The following CCDC138 variants were observed in gnomAD, a reference collection of about 807,000 sequenced individuals.
CCDC138 encodes the protein coiled-coil domain-containing protein 138.
A neutral mutation model predicts 82.3 loss-of-function variants in CCDC138; 66 were observed. That is an observed-to-expected ratio of 0.80 (90% CI 0.66 to 0.98). The LOEUF (loss-of-function observed/expected upper bound fraction) is 0.98, where lower values mean the gene tolerates loss of function less well. CCDC138 is among the 50% of genes least tolerant of loss of function. The pLI is 0.00. For missense variants in CCDC138, 816 were observed against 758.9 expected (o/e 1.08, Z -0.88); for synonymous variants, 297 against 265.4 (o/e 1.12, Z -1.16).
chr2:108,803,295 C>G (rs1392121908), intron 6 of CCDC138, among the ~76,000 whole-genome samples: 3 of 152,186 alleles, frequency 2.0e-5, no homozygotes, highest in African/African-American at 7.2e-5. Context: ...GTGAGAGGAT[C>G]CTCTGTTTGA....
chr2:108,870,148 T>G (rs1046800458), intron 13 of CCDC138, among the ~76,000 whole-genome samples: 1 of 152,102 alleles, frequency 6.6e-6, no homozygotes, highest in Non-Finnish European at 1.5e-5. Flanking sequence ...TGAACAAAAT[T>G]TCTGTCAACA....
chr2:108,857,709 A>G (rs1311925183), intron 13 of CCDC138, among the ~76,000 whole-genome samples: 1 of 152,226 alleles, frequency 6.6e-6, no homozygotes, highest in East Asian at 1.9e-4. Flanking sequence ...ATTTCAGTTT[A>G]CTAATGTAAG....
intron 6 of CCDC138, among the ~76,000 whole-genome samples, chr2:108,800,740 T>G (rs1418000208): frequency 1.8e-5 from 2 of 113,182 alleles, no homozygotes; most frequent in East Asian, 6.4e-4. Context: ...ACTCATCATC[T>G]AGCATTAGGT....
chr2:108,807,742 C>T (rs549641820), intron 7 of CCDC138, among the ~76,000 whole-genome samples: 1 of 152,160 alleles, frequency 6.6e-6, no homozygotes, highest in Non-Finnish European at 1.5e-5. Context: ...CTCAGCCTCC[C>T]GAGTATCTGG....
rs556264781 is a variant in CCDC138, at chr2:108,850,352, C to A, written c.1516+3422C>A. Among the ~76,000 whole-genome samples the A allele has an allele frequency of 3.3e-5, 5 of 152,190 alleles. No individual in the cohort carries two copies. In the South Asian group the frequency reaches 1.0e-3, roughly 32 times the overall value. ...CTACACATAATATTAACTGCTTAAT[C>A]CAGATATATATAGATCTATGAAGAT... On this transcript the variant is annotated intron_variant, in intron 12 of 14. Coordinates refer to ENST00000295124, the MANE Select transcript of CCDC138 (RefSeq NM_144978.3).
rs867929710 is a variant in CCDC138 at position 108,832,179 on chromosome 2, G to A, written c.1207-7006G>A. Reference sequence around the variant, plus strand: ...CTAGTAGCTGGGATTACAGGTGTACGCCATCACACCTGGCTAATTTTTATA... The same window carrying A: ...CTAGTAGCTGGGATTACAGGTGTACACCATCACACCTGGCTAATTTTTATA... On this transcript the variant is annotated intron_variant, in intron 10 of 14. Coordinates refer to ENST00000295124, the MANE Select transcript of CCDC138 (RefSeq NM_144978.3). Among the ~76,000 whole-genome samples, 8 of 151,684 alleles carry A rather than the reference G, an allele frequency of 5.3e-5. No individual in the cohort carries two copies. In the South Asian group the frequency reaches 1.5e-3, roughly 28 times the overall value.
At chr2:108,790,608 A>T (rs779560046) in intron 3 of CCDC138, among the ~76,000 whole-genome samples, 6 of 152,224 alleles carry the variant, frequency 3.9e-5, no homozygotes, top group Admixed American at 6.5e-5. Flanking sequence ...AGGCTGAGAC[A>T]GGAGAATTGC....
intron 13 of CCDC138, among the ~76,000 whole-genome samples, chr2:108,863,213 G>T (rs1397744140): frequency 6.6e-6 from 1 of 151,938 alleles, no homozygotes; most frequent in Non-Finnish European, 1.5e-5. Context: ...TATTATTTAG[G>T]AGATTAAAGG....
At chr2:108,856,355 C>G (rs1478244645) in intron 12 of CCDC138, among the ~76,000 whole-genome samples, 3 of 152,158 alleles carry the variant, frequency 2.0e-5, no homozygotes, top group Non-Finnish European at 4.4e-5. Context: ...ATCCATTTAG[C>G]ACGTTTGTAT....
intron 3 of CCDC138, among the ~76,000 whole-genome samples, chr2:108,789,196 G>A (rs986740580): frequency 6.6e-6 from 1 of 152,120 alleles, no homozygotes; most frequent in African/African-American, 2.4e-5. Flanking sequence ...ATAATGGAAA[G>A]TTATTTATAT....
intron 11 of CCDC138, among the ~76,000 whole-genome samples, chr2:108,843,124 T>G (rs796734000): frequency 3.3e-5 from 5 of 151,686 alleles, no homozygotes; most frequent in African/African-American, 1.2e-4. Context: ...ATCTATCTGT[T>G]TAGAGGACTT....
intron 4 of CCDC138, among the ~76,000 whole-genome samples, chr2:108,793,081 G>A (rs576693800): frequency 6.9e-6 from 1 of 145,234 alleles, no homozygotes; most frequent in African/African-American, 2.6e-5. Context: ...AGCAAGGCCG[G>A]GCACGGTGGC....
At chr2:108,884,652 A>C (rs1233706990) in intron 2 of CCDC138, 2 of 152,208 alleles carry the variant, frequency 1.3e-5, no homozygotes, top group African/African-American at 4.8e-5. Context: ...GTTTTGGCCA[A>C]GGAGCAAATG....
chr2:108,860,935 CTTT>C lies in CCDC138; in HGVS notation c.1693+3986_1693+3988del, dbSNP rs70956282. Among the ~76,000 whole-genome samples, 53 of 37,928 alleles carry C rather than the reference CTTT, an allele frequency of 1.4e-3. 4 individuals are homozygous for C. Among genetic ancestry groups the C allele is most frequent in the Admixed American group, 7.0e-3 (14 of 1,986 alleles). 24.9% of individuals were successfully genotyped at this position (37,928 alleles called of 152,430 possible). On this transcript the variant is annotated intron_variant, in intron 13 of 14. Coordinates refer to ENST00000295124, the MANE Select transcript of CCDC138 (RefSeq NM_144978.3). ...GGCTGTGAATCCATCTGGTCCAGGA[CTTT>C]TTTTTTTTTTTTTTTTTTTTGGTTG...
At chr2:108,874,323 T>A (rs936347915) in intron 14 of CCDC138, among the ~76,000 whole-genome samples, 2 of 152,188 alleles carry the variant, frequency 1.3e-5, no homozygotes, top group Non-Finnish European at 2.9e-5. Flanking sequence ...TGGATTTTTT[T>A]ATGAGAATCA....
At chr2:108,814,143 A>C (rs907068435) in intron 9 of CCDC138, among the ~76,000 whole-genome samples, 3 of 152,214 alleles carry the variant, frequency 2.0e-5, no homozygotes, top group African/African-American at 7.2e-5. Flanking sequence ...CGATAAAGGT[A>C]GATGTATGTT....
At chr2:108,838,397 G>A (rs1688928562) in intron 10 of CCDC138, among the ~76,000 whole-genome samples, 1 of 152,114 alleles carries the variant, frequency 6.6e-6, no homozygotes, top group Non-Finnish European at 1.5e-5. Context: ...TTATACAGTT[G>A]ACATAACCAT....
intron 10 of CCDC138, among the ~76,000 whole-genome samples, chr2:108,819,050 T>C (rs1394080746): frequency 6.6e-6 from 1 of 152,140 alleles, no homozygotes; most frequent in Admixed American, 6.5e-5. Flanking sequence ...CAAGTAAAGA[T>C]TGTAAAATTT....
chr2:108,806,968 C>T (rs1323696946), intron 7 of CCDC138, among the ~76,000 whole-genome samples: 1 of 152,176 alleles, frequency 6.6e-6, no homozygotes, highest in Non-Finnish European at 1.5e-5. Context: ...GGAGACAGAA[C>T]TTTCCTAAAC....
Sources: gnomAD v4.1 joint callset for allele counts (sites outside exome capture counted in the v4.1 genomes callset) on GRCh38, gnomAD v4.1.1 for gene constraint, MANE v1.5 for transcripts, NCBI Gene and HGNC (gene_info 2026-07-23, HGNC 2026-07-21) for gene names.